VIT: variants seen among roughly 807,000 people sequenced by gnomAD.
VIT encodes vitrin.
A neutral mutation model predicts 78.0 loss-of-function variants in VIT; 99 were observed. The observed-to-expected ratio is 1.27, with a 90% CI of 1.08 to 1.50. VIT has a LOEUF of 1.50. Ranked by LOEUF, VIT falls within the 40% of genes most tolerant of loss-of-function variation. The pLI is 0.00. For missense variants in VIT, 1,126 were observed against 875.3 expected (o/e 1.29, Z -3.61); for synonymous variants, 374 against 334.3 (o/e 1.12, Z -1.29).
chr2:36,729,854 C>G (rs1397438143), intron 3 of VIT, among the ~76,000 whole-genome samples: 4 of 152,178 alleles, frequency 2.6e-5, no homozygotes, highest in East Asian at 3.8e-4. Flanking sequence ...ATGCAAAGGT[C>G]TAGCAAAACT....
chr2:36,772,369 T>C (rs1669815449), intron 7 of VIT, among the ~76,000 whole-genome samples: 1 of 151,940 alleles, frequency 6.6e-6, no homozygotes, highest in African/African-American at 2.4e-5. Flanking sequence ...AAAACCCATC[T>C]CTAATAAAAA....
rs748521057 is a variant in VIT, at chr2:36,808,725, G to A, written c.1643G>A (p.Arg548His). 6.2e-6 allele frequency: 10 copies of A among 1,614,198 alleles called. No homozygotes were observed. The East Asian group carries it at 8.9e-5, about 14-fold the overall frequency. Residue 548 changes from arginine to histidine, a missense_variant, in exon 15 of 16, where the codon CGC (arginine) becomes CAC (histidine). Coordinates refer to ENST00000379242, the MANE Select transcript of VIT (RefSeq NM_053276.4). ...KEFEISDTDT[R>H]IGAVQYTYEQ... is the part of the protein sequence containing the mutation. ...TTTGAGATTTCCGACACGGACACGCGCATCGGGGCCGTGCAGTACACCTAC... is the reference window on the plus strand; with the variant it reads ...TTTGAGATTTCCGACACGGACACGCACATCGGGGCCGTGCAGTACACCTAC...
intron 14 of VIT, among the ~76,000 whole-genome samples, chr2:36,806,186 C>G (rs1181521556): frequency 1.3e-5 from 2 of 152,190 alleles, no homozygotes; most frequent in East Asian, 1.9e-4. Flanking sequence ...CTCACTCACT[C>G]CACCAAAGCT....
intron 12 of VIT, among the ~76,000 whole-genome samples, chr2:36,796,351 C>G (rs10179017): frequency 0.72 from 110,170 of 152,068 alleles, 40,376 homozygotes; most frequent in East Asian, 0.99. Flanking sequence ...AATGTTGTGA[C>G]CAGAGGCTCA....
intron 1 of VIT, among the ~76,000 whole-genome samples, chr2:36,701,408 C>T (rs978525243): frequency 2.0e-5 from 3 of 152,176 alleles, no homozygotes; most frequent in Non-Finnish European, 2.9e-5. Context: ...AAGAATCATG[C>T]TTCCTTATGA....
intron 3 of VIT, among the ~76,000 whole-genome samples, chr2:36,730,883 A>G (rs1172561762): frequency 6.6e-6 from 1 of 152,166 alleles, no homozygotes; most frequent in African/African-American, 2.4e-5. Context: ...GTACGTGCTG[A>G]TTGGTTTGCG....
intron 15 of VIT, among the ~76,000 whole-genome samples, chr2:36,812,209 G>T (rs1052230286): frequency 1.3e-5 from 2 of 152,204 alleles, no homozygotes; most frequent in South Asian, 4.2e-4. Flanking sequence ...GCAATTTAAT[G>T]GACCACAATC....
At chr2:36,751,001 C>T (rs531128046) in intron 4 of VIT, among the ~76,000 whole-genome samples, 80 of 152,034 alleles carry the variant, frequency 5.3e-4, no homozygotes, top group African/African-American at 1.8e-3. Flanking sequence ...GGCTCATGCC[C>T]GTAATCCCAA....
intron 7 of VIT, among the ~76,000 whole-genome samples, chr2:36,772,690 G>C (rs1468068734): frequency 1.3e-5 from 2 of 152,256 alleles, no homozygotes; most frequent in African/African-American, 2.4e-5. Flanking sequence ...CTGGGGGACA[G>C]AGTGAGAGCC....
rs114918851 is a variant in VIT at position 36,768,513 on chromosome 2, T to C, written c.679+1228T>C. ...TGAACACCTTACAAATATTAGCCTATTGAATCCTCCGTAACAACCCTATGA... is the reference window on the plus strand; with the variant it reads ...TGAACACCTTACAAATATTAGCCTACTGAATCCTCCGTAACAACCCTATGA... On this transcript the variant is annotated intron_variant, in intron 7 of 15. Transcript: ENST00000379242. Among the ~76,000 whole-genome samples the C allele has an allele frequency of 3.9e-4, 59 of 152,366 alleles. 1 individual carries two copies. The highest frequency in any genetic ancestry group is 1.4e-3 in the African/African-American group (58 of 41,596).
chr2:36,802,568 C>G (rs764077203), intron 13 of VIT, among the ~76,000 whole-genome samples: 2 of 152,208 alleles, frequency 1.3e-5, no homozygotes, highest in Non-Finnish European at 2.9e-5. Flanking sequence ...TAAACACTAG[C>G]CAAGTCACTC....
Position 36,808,557 on chromosome 2 carries a change from G to A in VIT, c.1475G>A (p.Arg492Gln), listed in dbSNP as rs373664967. Residue 492 changes from arginine to glutamine, a missense_variant, in exon 15 of 16, where the codon CGG becomes CAG. Arg to Gln is a conservative substitution (Grantham distance 43, BLOSUM62 1). Coordinates refer to ENST00000379242, the MANE Select transcript of VIT (RefSeq NM_053276.4). ...LHKTLQPLVKRVCDTDRLACS... is the reference protein window; with the variant it reads ...LHKTLQPLVKQVCDTDRLACS... ...AAGACCCTGCAGCCTCTGGTGAAGCGGGTCTGCGACACTGACCGCCTGGCC... is the reference window on the plus strand; with the variant it reads ...AAGACCCTGCAGCCTCTGGTGAAGCAGGTCTGCGACACTGACCGCCTGGCC... 2.8e-5 allele frequency: 45 copies of A among 1,613,988 alleles called. No individual in the cohort carries two copies. The highest frequency in any genetic ancestry group is 1.3e-4 in the East Asian group (6 of 44,884).
At chr2:36,803,415 A>T (rs1666472283) in intron 13 of VIT, among the ~76,000 whole-genome samples, 1 of 152,180 alleles carries the variant, frequency 6.6e-6, no homozygotes, top group South Asian at 2.1e-4. Flanking sequence ...AGGTGGATGG[A>T]ATGTGTGTTG....
intron 6 of VIT, among the ~76,000 whole-genome samples, chr2:36,765,187 T>A (rs1669346213): frequency 6.6e-6 from 1 of 152,092 alleles, no homozygotes; most frequent in South Asian, 2.1e-4. Flanking sequence ...CTAAATGCAA[T>A]CACTGGCATC....
intron 4 of VIT, among the ~76,000 whole-genome samples, chr2:36,746,028 C>T (rs151135655): frequency 7.2e-4 from 109 of 152,066 alleles, no homozygotes; most frequent in African/African-American, 2.6e-3. Flanking sequence ...GATATTGGAT[C>T]TTATCAAAAG....
intron 2 of VIT, among the ~76,000 whole-genome samples, chr2:36,722,923 GT>G (rs931457114): frequency 4.0e-5 from 6 of 151,312 alleles, no homozygotes; most frequent in Admixed American, 6.6e-5. Context: ...AAAAATAATT[GT>G]TTTTTGTAAT....
At chr2:36,697,439 T>C (rs1219036751) in intron 1 of VIT, among the ~76,000 whole-genome samples, 1 of 152,262 alleles carries the variant, frequency 6.6e-6, no homozygotes, top group Non-Finnish European at 1.5e-5. Context: ...CTATTTCGTG[T>C]GGATCTCTAC....
rs2148695850 is a variant in VIT at position 36,814,414 on chromosome 2, G to A, written c.*53G>A. The stretch of plus-strand genomic sequence containing the variant: ...TGCTGCTTTACTAACTGACGTGTTG[G>A]ACCACCCCACCGCTTAATGGGGCAC... On this transcript the variant is annotated 3_prime_UTR_variant, in exon 16 of 16. Coordinates refer to ENST00000379242, the MANE Select transcript of VIT (RefSeq NM_053276.4). 1.2e-6 allele frequency: 2 copies of A among 1,601,706 alleles called. No homozygotes were observed. Among genetic ancestry groups the A allele is most frequent in the South Asian group, 2.2e-5 (2 of 89,604 alleles).
rs117495370 is a variant in VIT at position 36,767,310 on chromosome 2, T to C, written c.679+25T>C. On this transcript the variant is annotated intron_variant, in intron 7 of 15. Transcript: ENST00000379242. ...GGTCAGTAGGTAGACCATGTGTTGC[T>C]TTGTGCTAGGGAAATGGGAAATTGG... The C allele has an allele frequency of 1.4e-3, 2,103 of 1,494,842 alleles. 53 individuals are homozygous for C. The East Asian group carries it at 0.047, about 33-fold the overall frequency. The allele number at this position is 1,494,842 out of a possible 1,614,324, so 92.6% of individuals were successfully genotyped here.
Sources: allele counts gnomAD v4.1 joint callset (sites outside exome capture counted in the v4.1 genomes callset), GRCh38; gene constraint gnomAD v4.1.1; transcripts MANE v1.5; gene names NCBI Gene and HGNC (gene_info 2026-07-23, HGNC 2026-07-21).